TFG: variants seen among roughly 807,000 people sequenced by gnomAD.
The protein encoded by TFG is trafficking from ER to golgi regulator, also known as protein TFG.
In TFG, 22 loss-of-function variants were observed where a neutral mutation model predicts 51.4. The observed-to-expected ratio is 0.43, with a 90% CI of 0.31 to 0.61. The LOEUF (loss-of-function observed/expected upper bound fraction) is 0.61, where lower values mean the gene tolerates loss of function less well. TFG is among the 20% of genes least tolerant of loss of function. The pLI is 0.12. For synonymous variants in TFG, 187 were observed against 165.6 expected (o/e 1.13, Z -0.99); for missense variants, 419 against 487.7 (o/e 0.86, Z 1.33).
chr3:100,714,821 C>G (rs967460056), intron 2 of TFG, among the ~76,000 whole-genome samples: 1 of 152,104 alleles, frequency 6.6e-6, no homozygotes, highest in African/African-American at 2.4e-5. Context: ...ATGCAGTGTT[C>G]CCAGACTCAT....
intron 1 of TFG, among the ~76,000 whole-genome samples, chr3:100,713,056 A>T (rs988581048): frequency 1.3e-5 from 2 of 152,210 alleles, no homozygotes; most frequent in Non-Finnish European, 2.9e-5. Context: ...ACTAGGTTTT[A>T]CTTAACAGTG....
intron 2 of TFG, among the ~76,000 whole-genome samples, chr3:100,718,439 C>T (rs889115937): frequency 4.0e-5 from 6 of 151,866 alleles, no homozygotes; most frequent in African/African-American, 1.5e-4. Context: ...ATTCACAGAC[C>T]TATAACAACA....
chr3:100,730,606 A>G (rs2095088810), intron 4 of TFG, among the ~76,000 whole-genome samples: 1 of 152,232 alleles, frequency 6.6e-6, no homozygotes, highest in African/African-American at 2.4e-5. Flanking sequence ...CTAGTCCACA[A>G]AATGAAATTG....
intron 6 of TFG, among the ~76,000 whole-genome samples, chr3:100,738,388 TGTATAC>T (rs1054541140): frequency 1.3e-5 from 2 of 152,208 alleles, no homozygotes; most frequent in Non-Finnish European, 2.9e-5. Flanking sequence ...TTTTAAGCAG[TGTATAC>T]TGTGATACAA....
intron 2 of TFG, among the ~76,000 whole-genome samples, chr3:100,715,182 A>G (rs1349752042): frequency 6.6e-6 from 1 of 152,204 alleles, no homozygotes; most frequent in African/African-American, 2.4e-5. Flanking sequence ...ATGCCAGCAG[A>G]TATAATAGAA....
chr3:100,736,522 GC>G, intron 5 of TFG, 53 bp from the exon 6 acceptor site: 1 of 1,585,160 alleles, frequency 6.3e-7, no homozygotes, highest in Non-Finnish European at 8.6e-7. Flanking sequence ...CCTTGAGCTT[GC>G]TGGGGGAAGG....
Position 100,748,672 on chromosome 3 carries a change from A to T in TFG, c.*141A>T. The T allele has an allele frequency of 2.0e-6, 2 of 1,009,858 alleles. No individual in the cohort carries two copies. The highest frequency in any genetic ancestry group is 2.7e-6 in the Non-Finnish European group (2 of 729,368). The allele number at this position is 1,009,858 out of a possible 1,614,324, so 62.6% of individuals were successfully genotyped here. A position where few individuals can be genotyped will look rare whatever the true frequency, so the allele number is the denominator to read the frequency against. On this transcript the variant is annotated 3_prime_UTR_variant, in exon 8 of 8. Coordinates refer to ENST00000240851, the MANE Select transcript of TFG (RefSeq NM_006070.6). ...ATGATATCATTGTTGGTGTTAATTG[A>T]AAGTATAATTTGCTGGAACACAAAG...
chr3:100,714,772 T>A (rs534731722), intron 2 of TFG, among the ~76,000 whole-genome samples: 1 of 152,244 alleles, frequency 6.6e-6, no homozygotes, highest in African/African-American at 2.4e-5. Context: ...GTTTTCAGAT[T>A]ATGTAATATG....
intron 6 of TFG, 42 bp downstream of exon 6, chr3:100,736,758 G>A (rs1206768260): frequency 2.5e-6 from 4 of 1,589,254 alleles, no homozygotes; most frequent in Admixed American, 1.7e-5. Context: ...AAGTACATGT[G>A]TAGAAGTGTT....
intron 6 of TFG, among the ~76,000 whole-genome samples, chr3:100,738,231 C>G (rs1266093340): frequency 6.6e-6 from 1 of 152,174 alleles, no homozygotes; most frequent in African/African-American, 2.4e-5. Flanking sequence ...TTAACTCCTC[C>G]TCTGCACCAA....
chr3:100,719,950 A>C, intron 2 of TFG, 25 bp from the exon 3 acceptor site: 1 of 1,413,298 alleles, frequency 7.1e-7, no homozygotes, highest in South Asian at 1.3e-5. Context: ...ATTAAAAAAC[A>C]ACCTTTTTTT....
At chr3:100,728,581 A>T in intron 3 of TFG, 131 bp from the exon 4 acceptor site, 1 of 689,342 alleles carries the variant, frequency 1.5e-6, no homozygotes, top group Non-Finnish European at 2.2e-6. Context: ...TTAAAAAAAA[A>T]GTTACTCCAT....
At chr3:100,740,073 G>C (rs778395973) in intron 6 of TFG, among the ~76,000 whole-genome samples, 1 of 152,222 alleles carries the variant, frequency 6.6e-6, no homozygotes, top group Non-Finnish European at 1.5e-5. Context: ...CATTGTTAAT[G>C]TGTCTTGAGT....
At position 100,737,283 on chromosome 3, in the gene TFG, G is replaced by C. The variant is rs2095109215; in HGVS notation, c.721+567G>C. On this transcript the variant is annotated intron_variant, in intron 6 of 7. Coordinates refer to ENST00000240851, the MANE Select transcript of TFG (RefSeq NM_006070.6). ...TTGGATATGCAGTTTAGTCTCTCTG[G>C]GTTTTGATATTCTTTCACTGTAAAA... Among the ~76,000 whole-genome samples, 4 of 152,172 alleles carry C rather than the reference G, an allele frequency of 2.6e-5. No homozygotes were observed. The South Asian group carries it at 8.3e-4, about 32-fold the overall frequency.
chr3:100,740,660 A>G (rs1576375938), intron 6 of TFG, among the ~76,000 whole-genome samples: 2 of 152,150 alleles, frequency 1.3e-5, no homozygotes, highest in African/African-American at 4.8e-5. Context: ...ACCCATTGTC[A>G]TAAATGCTAT....
chr3:100,726,617 G>T (rs940614311), intron 3 of TFG, among the ~76,000 whole-genome samples: 11 of 152,306 alleles, frequency 7.2e-5, no homozygotes, highest in Admixed American at 3.3e-4. Flanking sequence ...TAAATGCAAG[G>T]TTCTTAAAAG....
intron 4 of TFG, among the ~76,000 whole-genome samples, chr3:100,730,158 C>T (rs2095087591): frequency 6.6e-6 from 1 of 152,136 alleles, no homozygotes; most frequent in African/African-American, 2.4e-5. Context: ...GGGGATTTAA[C>T]CATCTGCAGA....
At chr3:100,720,527 A>G (rs1576359265) in intron 3 of TFG, among the ~76,000 whole-genome samples, 1 of 152,228 alleles carries the variant, frequency 6.6e-6, no homozygotes, top group East Asian at 1.9e-4. Context: ...TTTGGGGATG[A>G]AACTCTTCCA....
chr3:100,721,400 G>C (rs1232346504), intron 3 of TFG, among the ~76,000 whole-genome samples: 1 of 151,998 alleles, frequency 6.6e-6, no homozygotes, highest in African/African-American at 2.4e-5. Flanking sequence ...GTGTCTACAT[G>C]GTGTAGGCCC....
Sources: gnomAD v4.1 joint callset for allele counts (sites outside exome capture counted in the v4.1 genomes callset) on GRCh38, gnomAD v4.1.1 for gene constraint, MANE v1.5 for transcripts, NCBI Gene and HGNC (gene_info 2026-07-23, HGNC 2026-07-21) for gene names.